The following SESN1 variants were observed in gnomAD, a reference collection of about 807,000 sequenced individuals.
SESN1 encodes sestrin 1.
In SESN1, 30 loss-of-function variants were observed where a neutral mutation model predicts 59.3. The ratio of observed to expected loss-of-function variants is 0.51; its 90% confidence interval spans 0.38 to 0.69. The LOEUF (loss-of-function observed/expected upper bound fraction) is 0.69. SESN1 is among the 30% of genes least tolerant of loss of function. The pLI is 0.00. For synonymous variants in SESN1, 197 were observed against 219.9 expected, an observed-to-expected ratio of 0.90 and a Z score of 0.92; for missense variants, 566 against 673.0, an observed-to-expected ratio of 0.84 and a Z score of 1.76.
At chr6:109,091,105 C>A (rs901885801) in intron 1 of SESN1, among the ~76,000 whole-genome samples, 3 of 152,162 alleles carry the variant, frequency 2.0e-5, no homozygotes, top group African/African-American at 7.2e-5. Flanking sequence ...AAATAATCTT[C>A]CTATAAGTGG....
At chr6:109,081,151 G>C (rs1405707817) in intron 1 of SESN1, among the ~76,000 whole-genome samples, 1 of 152,030 alleles carries the variant, frequency 6.6e-6, no homozygotes, top group African/African-American at 2.4e-5. Flanking sequence ...GTGCAATCTT[G>C]ACTTACTGCA....
chr6:109,003,341 A>G (rs990248271), intron 1 of SESN1, among the ~76,000 whole-genome samples: 3 of 147,570 alleles, frequency 2.0e-5, no homozygotes, highest in African/African-American at 7.5e-5. Flanking sequence ...TATAAACCAG[A>G]TATTTTCCTT....
chr6:109,027,266 A>T (rs1780110187), intron 1 of SESN1, among the ~76,000 whole-genome samples: 1 of 152,038 alleles, frequency 6.6e-6, no homozygotes, highest in Admixed American at 6.5e-5. Context: ...TGAGGTCAGG[A>T]GTTCGAGACC....
intron 1 of SESN1, among the ~76,000 whole-genome samples, chr6:109,035,746 G>A (rs1468717468): frequency 6.6e-6 from 1 of 152,044 alleles, no homozygotes; most frequent in Non-Finnish European, 1.5e-5. Flanking sequence ...GACTACAGGT[G>A]CATGCCACCA....
chr6:109,059,096 T>TACACACACACACACAC (rs373238799), intron 1 of SESN1, among the ~76,000 whole-genome samples: 30 of 149,718 alleles, frequency 2.0e-4, no homozygotes, highest in African/African-American at 7.3e-4. Flanking sequence ...TATCACTTCA[T>TACACACACACACACAC]ACACACACAC....
intron 1 of SESN1, among the ~76,000 whole-genome samples, chr6:109,064,936 G>A (rs1227381633): frequency 6.6e-6 from 1 of 152,058 alleles, no homozygotes; most frequent in Non-Finnish European, 1.5e-5. Flanking sequence ...TTGCCTAAAT[G>A]TCTTCATATT....
intron 1 of SESN1, among the ~76,000 whole-genome samples, chr6:109,016,112 C>T (rs1333667044): frequency 3.9e-5 from 6 of 152,080 alleles, no homozygotes; most frequent in African/African-American, 4.8e-5. Flanking sequence ...GATTTTTACC[C>T]GTGGTTAAAA....
chr6:109,015,928 T>G (rs971082288), intron 1 of SESN1, among the ~76,000 whole-genome samples: 1 of 152,226 alleles, frequency 6.6e-6, no homozygotes, highest in Non-Finnish European at 1.5e-5. Context: ...CTTCTATTTG[T>G]GCACAGGCCA....
chr6:109,078,922 A>G (rs2114473549), intron 1 of SESN1, among the ~76,000 whole-genome samples: 1 of 152,328 alleles, frequency 6.6e-6, no homozygotes, highest in Non-Finnish European at 1.5e-5. Flanking sequence ...ATTCTGACCA[A>G]TTAAAATAAT....
intron 1 of SESN1, among the ~76,000 whole-genome samples, chr6:109,028,467 A>T (rs1163947848): frequency 4.3e-4 from 65 of 152,124 alleles, no homozygotes; most frequent in African/African-American, 1.5e-3. Context: ...GTACATTTGC[A>T]TGTATGTATG....
At chr6:109,008,791 G>C (rs1368852106) in intron 1 of SESN1, 82 of 985,260 alleles carry the variant, frequency 8.3e-5, no homozygotes, top group Non-Finnish European at 9.6e-5. Flanking sequence ...GGCTTAATAC[G>C]CAAGAGTAAA....
At chr6:109,044,311 CAAAAAAAAAAAAAAAAAAAAAAA>C (rs71015570) in intron 1 of SESN1, among the ~76,000 whole-genome samples, 6 of 28,472 alleles carry the variant, frequency 2.1e-4, no homozygotes, top group Admixed American at 6.6e-4. Flanking sequence ...GAACTTGCCT[CAAAAAAAAAAAAAAAAAAAAAAA>C]AAAAAAAAAA....
intron 1 of SESN1, among the ~76,000 whole-genome samples, chr6:109,077,291 C>A (rs533449385): frequency 4.9e-4 from 75 of 152,070 alleles, no homozygotes; most frequent in Middle Eastern, 3.4e-3. Flanking sequence ...AACAAAAAAA[C>A]CAAAAAACTC....
intron 1 of SESN1, among the ~76,000 whole-genome samples, chr6:109,083,775 A>G (rs1781163455): frequency 6.6e-6 from 1 of 152,218 alleles, no homozygotes; most frequent in Non-Finnish European, 1.5e-5. Context: ...GTACCATTGA[A>G]CATATCACTC....
chr6:109,027,533 A>C (rs1177969171), intron 1 of SESN1, among the ~76,000 whole-genome samples: 1 of 150,756 alleles, frequency 6.6e-6, no homozygotes, highest in Non-Finnish European at 1.5e-5. Flanking sequence ...CAGCATTGTC[A>C]ATTTAAAACA....
In SESN1 at chr6:108,986,270, CAG is replaced by C. The variant is rs1491287086; in HGVS notation, c.*1272_*1273del. ...GTCATTTCCAAGATAAAAATGGTCT[CAG>C]ATAAGATTCTAAAGAAAGTCCACTC... On this transcript the variant is annotated 3_prime_UTR_variant, in exon 10 of 10. Transcript: ENST00000436639. 6.6e-6 allele frequency among the ~76,000 whole-genome samples: 1 copy of C among 152,140 alleles called. No homozygotes were observed. The highest frequency in any genetic ancestry group is 1.9e-4 in the East Asian group (1 of 5,194).
Position 109,093,858 on chromosome 6 carries a change from A to G in SESN1, c.216T>C (p.Leu72=), listed in dbSNP as rs753295564. ...LNKLLAHLLM[L]SKRCPFKDVR... ...CATCTTTGAAGGGACACCTCTTAGA[A>G]AGCATAAGCAGATGAGCAAGTAGCT... The change falls in exon 1 of 10, where the codon CTT becomes CTC. Residue 72 remains leucine (L), a synonymous_variant. Transcript: ENST00000436639. 5 of 1,614,234 alleles carry G rather than the reference A, an allele frequency of 3.1e-6. No homozygotes were observed. The South Asian group carries it at 5.5e-5, about 18-fold the overall frequency.
At chr6:109,056,936 T>G (rs1255192930) in intron 1 of SESN1, among the ~76,000 whole-genome samples, 1 of 152,126 alleles carries the variant, frequency 6.6e-6, no homozygotes, top group Non-Finnish European at 1.5e-5. Flanking sequence ...ATCTGTCCTC[T>G]CCCTCCCCTG....
chr6:109,093,238 A>C (rs907589305), intron 1 of SESN1, among the ~76,000 whole-genome samples: 1 of 152,218 alleles, frequency 6.6e-6, no homozygotes, highest in Non-Finnish European at 1.5e-5. Flanking sequence ...AAGTGTTTCT[A>C]TCAAATACCC....
Sources: gnomAD v4.1 joint callset for allele counts (sites outside exome capture counted in the v4.1 genomes callset) on GRCh38, gnomAD v4.1.1 for gene constraint, MANE v1.5 for transcripts, NCBI Gene and HGNC (gene_info 2026-07-23, HGNC 2026-07-21) for gene names.